ATXN7L1: variants seen among roughly 807,000 people sequenced by gnomAD.
ATXN7L1 encodes the protein ataxin 7 like 1, also known as ataxin-7-like protein 1.
In ATXN7L1, 15 loss-of-function variants were observed where a neutral mutation model predicts 70.8. That is an observed-to-expected ratio of 0.21 (90% confidence interval 0.14 to 0.33). The LOEUF (loss-of-function observed/expected upper bound fraction) is 0.33. Ranked by LOEUF, ATXN7L1 falls within the 10% of genes least tolerant of loss-of-function variation. The pLI, the probability that ATXN7L1 is intolerant of heterozygous loss-of-function variation, is 1.00. For missense variants in ATXN7L1, 975 were observed against 1,097.1 expected (o/e 0.89, Z 1.57); for synonymous variants, 440 against 445.1 (o/e 0.99, Z 0.14).
At chr7:105,608,645 A>C (rs780410101) in intron 11 of ATXN7L1, among the ~76,000 whole-genome samples, 7 of 152,110 alleles carry the variant, frequency 4.6e-5, no homozygotes, top group Non-Finnish European at 8.8e-5. Flanking sequence ...CTGAGTATAA[A>C]TGTGCCTTCC....
intron 9 of ATXN7L1, among the ~76,000 whole-genome samples, chr7:105,615,994 G>A (rs548926596): frequency 2.0e-5 from 3 of 152,234 alleles, no homozygotes; most frequent in East Asian, 1.9e-4. Context: ...CCACAGGGAC[G>A]TTTGTTCGTG....
chr7:105,640,968 G>C lies in ATXN7L1; in HGVS notation c.863-1399C>G, dbSNP rs775037056. 5.9e-5 allele frequency among the ~76,000 whole-genome samples: 9 copies of C among 152,182 alleles called. No individual in the cohort carries two copies. In the East Asian group the frequency reaches 1.5e-3, roughly 26 times the overall value. On this transcript the variant is annotated intron_variant, in intron 5 of 11. Transcript: ENST00000419735. ...GCTGCAAACTCAAAAAAGGTTCCTA[G>C]CTGGAAAACTGTCTGAAATTGGTGG...
chr7:105,751,798 C>T (rs905413374), intron 3 of ATXN7L1, among the ~76,000 whole-genome samples: 1 of 152,210 alleles, frequency 6.6e-6, no homozygotes, highest in Non-Finnish European at 1.5e-5. Context: ...TCAAAGGGTG[C>T]CCCTCAGGTG....
intron 2 of ATXN7L1, among the ~76,000 whole-genome samples, chr7:105,846,579 A>T (rs139857194): frequency 2.0e-4 from 31 of 152,386 alleles, no homozygotes; most frequent in Non-Finnish European, 4.0e-4. Context: ...AAAATTAAGC[A>T]TGGAGTTACC....
intron 3 of ATXN7L1, among the ~76,000 whole-genome samples, chr7:105,775,151 A>G (rs1054017548): frequency 6.6e-6 from 1 of 152,212 alleles, no homozygotes; most frequent in Non-Finnish European, 1.5e-5. Context: ...CCTATGCAGC[A>G]TTCCCAAATT....
At chr7:105,727,475 C>T (rs1301631551) in intron 3 of ATXN7L1, among the ~76,000 whole-genome samples, 1 of 151,608 alleles carries the variant, frequency 6.6e-6, no homozygotes, top group Non-Finnish European at 1.5e-5. Flanking sequence ...TCAAGACCAG[C>T]CCGGCCAACA....
chr7:105,714,234 C>T (rs583419), intron 3 of ATXN7L1, among the ~76,000 whole-genome samples: 37,478 of 152,146 alleles, frequency 0.25, 5,961 homozygotes, highest in African/African-American at 0.44. Context: ...CCTTCATTCT[C>T]GATTGCCACC....
intron 2 of ATXN7L1, among the ~76,000 whole-genome samples, chr7:105,810,950 T>C (rs1172812998): frequency 1.3e-5 from 2 of 152,182 alleles, no homozygotes; most frequent in East Asian, 1.9e-4. Flanking sequence ...GAGAAAAAGA[T>C]GGGAGTCAAG....
chr7:105,848,976 C>A (rs1814479682), intron 2 of ATXN7L1, among the ~76,000 whole-genome samples: 1 of 152,208 alleles, frequency 6.6e-6, no homozygotes, highest in South Asian at 2.1e-4. Flanking sequence ...GCTATCACCC[C>A]AGTGGATCAC....
At position 105,612,743 on chromosome 7, in the gene ATXN7L1, C is replaced by T. The variant is rs537394301; in HGVS notation, c.2472+1119G>A. 1.6e-4 allele frequency among the ~76,000 whole-genome samples: 25 copies of T among 152,338 alleles called. 1 individual carries two copies. Among genetic ancestry groups the T allele is most frequent in the South Asian group, 1.5e-3 (7 of 4,826 alleles). On this transcript the variant is annotated intron_variant, in intron 10 of 11. Coordinates refer to ENST00000419735, the MANE Select transcript of ATXN7L1 (RefSeq NM_020725.2). ...GTCTGGCCCTTGGGTTCCAAACTTG[C>T]TGTTTCTCATGTGTTTGTGATTTGT...
At position 105,764,294 on chromosome 7, in the gene ATXN7L1, G is replaced by A. The variant is rs1451578486; in HGVS notation, c.355+24310C>T. 1.1e-4 allele frequency among the ~76,000 whole-genome samples: 17 copies of A among 148,974 alleles called. No homozygotes were observed. In the East Asian group the frequency reaches 3.3e-3, roughly 29 times the overall value. ...TCAATTTTCTAGAAGGCTTGGCAAA[G>A]CTTAAAGAAAAAAAAAAAACCACAA... On this transcript the variant is annotated intron_variant, in intron 3 of 11. Coordinates refer to ENST00000419735, the MANE Select transcript of ATXN7L1 (RefSeq NM_020725.2).
intron 3 of ATXN7L1, among the ~76,000 whole-genome samples, chr7:105,728,817 A>G (rs1796199013): frequency 6.6e-6 from 1 of 152,238 alleles, no homozygotes; most frequent in Admixed American, 6.5e-5. Context: ...CTACAAGGAT[A>G]GGTGTGTATC....
At chr7:105,790,883 T>C (rs1380147052) in intron 2 of ATXN7L1, among the ~76,000 whole-genome samples, 2 of 152,138 alleles carry the variant, frequency 1.3e-5, no homozygotes, top group Non-Finnish European at 2.9e-5. Context: ...TTAAACCTCC[T>C]CTGGTTGAGA....
intron 7 of ATXN7L1, among the ~76,000 whole-genome samples, chr7:105,637,480 A>G (rs991727459): frequency 2.0e-5 from 3 of 152,156 alleles, no homozygotes; most frequent in African/African-American, 7.2e-5. Context: ...CTTGTACCTC[A>G]TTCTTTTAAA....
At chr7:105,617,742 G>A (rs1180164239) in intron 9 of ATXN7L1, 1 of 356,850 alleles carries the variant, frequency 2.8e-6, no homozygotes, top group African/African-American at 2.1e-5. Context: ...ATAAATTACT[G>A]ACAGTGCCCA....
intron 2 of ATXN7L1, among the ~76,000 whole-genome samples, chr7:105,871,767 T>C (rs1482025144): frequency 1.3e-5 from 2 of 151,776 alleles, no homozygotes; most frequent in East Asian, 3.9e-4. Context: ...TAATTTTAGA[T>C]GAAATAATAA....
chr7:105,860,322 T>A (rs1344289714), intron 2 of ATXN7L1, among the ~76,000 whole-genome samples: 4 of 152,010 alleles, frequency 2.6e-5, no homozygotes, highest in African/African-American at 7.2e-5. Context: ...GAATATTAAA[T>A]GAAAAACTTT....
intron 2 of ATXN7L1, among the ~76,000 whole-genome samples, chr7:105,852,262 A>C (rs1272694327): frequency 6.6e-6 from 1 of 152,118 alleles, no homozygotes; most frequent in Non-Finnish European, 1.5e-5. Context: ...GATCACCAGG[A>C]CTTGCTCTGT....
At chr7:105,758,609 G>A (rs1800102485) in intron 3 of ATXN7L1, among the ~76,000 whole-genome samples, 2 of 152,232 alleles carry the variant, frequency 1.3e-5, no homozygotes, top group African/African-American at 4.8e-5. Flanking sequence ...ATGCCACTCT[G>A]AAAGGGGGCC....
Sources: allele counts gnomAD v4.1 joint callset (sites outside exome capture counted in the v4.1 genomes callset), GRCh38; gene constraint gnomAD v4.1.1; transcripts MANE v1.5; gene names NCBI Gene and HGNC (gene_info 2026-07-23, HGNC 2026-07-21).